TK2: variants seen among roughly 807,000 people sequenced by gnomAD.
TK2 encodes the protein thymidine kinase 2.
TK2 carries 35 observed loss-of-function variants against 41.9 expected under a neutral mutation model. The ratio of observed to expected loss-of-function variants is 0.84; its 90% confidence interval spans 0.64 to 1.11. The LOEUF is 1.11. Among genes scored for constraint, TK2 ranks in the 50% least tolerant of loss-of-function variants. TK2 has a pLI of 0.00. For missense variants in TK2, 320 were observed against 351.1 expected (o/e 0.91, Z 0.71); for synonymous variants, 128 against 129.1 (o/e 0.99, Z 0.06).
chr16:66,518,957 T>C (rs1964696281), intron 6 of TK2, among the ~76,000 whole-genome samples: 1 of 151,948 alleles, frequency 6.6e-6, no homozygotes, highest in South Asian at 2.1e-4. Flanking sequence ...TTAGTTTTTA[T>C]TTATTTTTTT....
intron 4 of TK2, among the ~76,000 whole-genome samples, chr16:66,534,026 A>AG (rs1965204058): frequency 6.6e-5 from 10 of 151,068 alleles, no homozygotes; most frequent in Admixed American, 6.6e-4. Context: ...AAAAAAAAAA[A>AG]AGATTGGATC....
At chr16:66,527,330 G>A (rs1964964764) in intron 6 of TK2, among the ~76,000 whole-genome samples, 1 of 152,190 alleles carries the variant, frequency 6.6e-6, no homozygotes, top group African/African-American at 2.4e-5. Context: ...TCTCATTTTG[G>A]GGGGTGACAC....
chr16:66,541,769 G>T, intron 3 of TK2, 110 bp downstream of exon 3: 3 of 1,104,118 alleles, frequency 2.7e-6, no homozygotes, highest in Admixed American at 1.8e-5. Context: ...CCTGTGGCTT[G>T]CACTTGTGGC....
Position 66,513,830 on chromosome 16 carries a change from C to T in TK2, c.619-19G>A. 6.2e-7 allele frequency: 1 copy of T among 1,613,044 alleles called. No individual in the cohort carries two copies. ...GGTATTCCTGCCAGGGAAACACAAG[C>T]AGTCTGTCGGGAGTGGACAGAGCAG... On this transcript the variant is annotated intron_variant, in intron 8 of 9. Coordinates refer to ENST00000544898, the MANE Select transcript of TK2 (RefSeq NM_004614.5).
Position 66,541,779 on chromosome 16 carries a change from C to G in TK2, c.231+100G>C. The G allele has an allele frequency of 2.3e-6, 3 of 1,295,696 alleles. No individual in the cohort carries two copies. In the South Asian group the frequency reaches 3.6e-5, roughly 16 times the overall value. The allele number at this position is 1,295,696 out of a possible 1,614,324, so 80.3% of individuals were successfully genotyped here. A position where few individuals can be genotyped will look rare whatever the true frequency, so the allele number is the denominator to read the frequency against. ...TTACACCTGTGGCTTGCACTTGTGG[C>G]TCAAATTATAGTCCTATTGGACAAG... is the stretch of plus-strand genomic sequence containing the variant. On this transcript the variant is annotated intron_variant, in intron 3 of 9. Transcript: ENST00000544898.
Position 66,531,366 on chromosome 16 carries a change from C to A in TK2, c.375+14G>T. On this transcript the variant is annotated intron_variant, in intron 5 of 9. Coordinates refer to ENST00000544898, the MANE Select transcript of TK2 (RefSeq NM_004614.5). ...AACGTTTAAGAAGGCTGAAACTGAG[C>A]ATCTGAAACCTACCTGAGGACGAGT... The A allele has an allele frequency of 6.2e-7, 1 of 1,613,508 alleles. No homozygotes were observed. Among genetic ancestry groups the A allele is most frequent in the Middle Eastern group, 1.6e-4 (1 of 6,062 alleles).
chr16:66,537,475 A>T (rs919351084), intron 3 of TK2, among the ~76,000 whole-genome samples: 1 of 152,336 alleles, frequency 6.6e-6, no homozygotes, highest in South Asian at 2.1e-4. Context: ...TGATCACTGC[A>T]CTGGGTGCAC....
At position 66,531,440 on chromosome 16, in the gene TK2, C is replaced by G; in HGVS notation, c.315G>C (p.Trp105Cys). Reference sequence around the variant, plus strand: ...GCACATAAGTCTGTAGCGTAAGACCCCAGCGAGAGGCATCGTGGTACATCA... The same window carrying G: ...GCACATAAGTCTGTAGCGTAAGACCGCAGCGAGAGGCATCGTGGTACATCA... The part of the protein sequence containing the change: ...LGLMYHDASR[W>C]GLTLQTYVQL... The change falls in exon 5 of 10, where the codon TGG becomes TGC. Residue 105 changes from tryptophan to cysteine, a missense_variant. Transcript: ENST00000544898. The G allele has an allele frequency of 6.2e-7, 1 of 1,614,190 alleles. No individual in the cohort carries two copies. Among genetic ancestry groups the G allele is most frequent in the Non-Finnish European group, 8.5e-7 (1 of 1,180,030 alleles).
At chr16:66,538,049 G>A (rs1206923944) in intron 3 of TK2, among the ~76,000 whole-genome samples, 1 of 152,162 alleles carries the variant, frequency 6.6e-6, no homozygotes, top group Admixed American at 6.5e-5. Context: ...TGTAATCCCA[G>A]ATACTCGGGA....
chr16:66,513,634 AG>A (rs768453835), intron 9 of TK2, 96 bp downstream of exon 9: 47 of 1,104,190 alleles, frequency 4.3e-5, no homozygotes, highest in Non-Finnish European at 6.3e-5. Context: ...CAAACTCTAA[AG>A]GACTGTGCCC....
intron 3 of TK2, among the ~76,000 whole-genome samples, chr16:66,539,907 T>C (rs1965405149): frequency 6.6e-6 from 1 of 152,158 alleles, no homozygotes; most frequent in Non-Finnish European, 1.5e-5. Context: ...GGTGTCAGCA[T>C]AAACCATACT....
Position 66,509,436 on chromosome 16 carries a change from ATAAGG to A in TK2, c.*2527_*2531del, listed in dbSNP as rs1380679935. Reference sequence around the variant, plus strand: ...CTAGTTTCCAAAAAAAACCAGGTACATAAGGTATTTTTAAATGGTTATAATCATAT... The same window carrying A: ...CTAGTTTCCAAAAAAAACCAGGTACATATTTTTAAATGGTTATAATCATAT... On this transcript the variant is annotated 3_prime_UTR_variant, in exon 10 of 10. Coordinates refer to ENST00000544898, the MANE Select transcript of TK2 (RefSeq NM_004614.5). The A allele has an allele frequency of 6.6e-6, 1 of 152,254 alleles. No individual in the cohort carries two copies. The highest frequency in any genetic ancestry group is 1.5e-5 in the Non-Finnish European group (1 of 68,050). 9.4% of individuals were successfully genotyped at this position (152,254 alleles called of 1,614,324 possible). A position where few individuals can be genotyped will look rare whatever the true frequency, so the allele number is the denominator to read the frequency against.
intron 4 of TK2, among the ~76,000 whole-genome samples, chr16:66,533,235 A>G (rs1462067913): frequency 6.6e-6 from 1 of 150,378 alleles, no homozygotes; most frequent in Non-Finnish European, 1.5e-5. Context: ...ACACCCAGCT[A>G]AATTTTTTTG....
chr16:66,544,144 A>C (rs1188464779), intron 2 of TK2, among the ~76,000 whole-genome samples: 1 of 152,168 alleles, frequency 6.6e-6, no homozygotes. Context: ...TGAAATCCTG[A>C]AGAGCTGGTG....
At chr16:66,522,263 C>G (rs960882961) in intron 6 of TK2, among the ~76,000 whole-genome samples, 30 of 152,284 alleles carry the variant, frequency 2.0e-4, no homozygotes, top group African/African-American at 7.0e-4. Context: ...TCAGTCTAGA[C>G]AGGAGCTGGG....
chr16:66,522,662 T>G (rs943943394), intron 6 of TK2, among the ~76,000 whole-genome samples: 10 of 151,866 alleles, frequency 6.6e-5, no homozygotes, highest in Non-Finnish European at 1.2e-4. Flanking sequence ...AGGTCGGGAG[T>G]TCGAGACTAG....
intron 1 of TK2, chr16:66,549,228 TC>T (rs1475937314): frequency 1.4e-6 from 2 of 1,417,440 alleles, no homozygotes; most frequent in Non-Finnish European, 1.8e-6. Context: ...CCCAGTGTGC[TC>T]GAGTTCTTTC....
chr16:66,517,313 G>T lies in TK2; in HGVS notation c.539-98C>A. On this transcript the variant is annotated intron_variant, in intron 7 of 9. Coordinates refer to ENST00000544898, the MANE Select transcript of TK2 (RefSeq NM_004614.5). The surrounding 1 kb of genome is among the most constrained non-coding windows in gnomAD (Gnocchi z 4.3). Reference sequence around the variant, plus strand: ...GGCGGGAGGAAGGTCTGCACAGCTCGAGCAGGAAGCAGGGAGGGCCAGCTC... The same window carrying T: ...GGCGGGAGGAAGGTCTGCACAGCTCTAGCAGGAAGCAGGGAGGGCCAGCTC... 9.7e-7 allele frequency: 1 copy of T among 1,030,664 alleles called. No individual in the cohort carries two copies. The allele number at this position is 1,030,664 out of a possible 1,614,324, so 63.8% of individuals were successfully genotyped here. A position where few individuals can be genotyped will look rare whatever the true frequency, so the allele number is the denominator to read the frequency against.
intron 4 of TK2, among the ~76,000 whole-genome samples, chr16:66,532,761 T>C (rs1301459892): frequency 6.6e-6 from 1 of 151,978 alleles, no homozygotes; most frequent in African/African-American, 2.4e-5. Context: ...TCAACACTCA[T>C]GGATCAGAAG....
Sources: allele counts gnomAD v4.1 joint callset (sites outside exome capture counted in the v4.1 genomes callset), GRCh38; gene constraint gnomAD v4.1.1; non-coding constraint Gnocchi (gnomAD v3.1); transcripts MANE v1.5; gene names NCBI Gene and HGNC (gene_info 2026-07-23, HGNC 2026-07-21).